The following ADD3 variants were observed in gnomAD, a reference collection of about 807,000 sequenced individuals.
ADD3 encodes the protein gamma-adducin.
In ADD3, 25 loss-of-function variants were observed where a neutral mutation model predicts 80.2. That is an observed-to-expected ratio of 0.31 (90% CI 0.23 to 0.44). The LOEUF is 0.44. Ranked by LOEUF, ADD3 falls within the 20% of genes least tolerant of loss-of-function variation. The probability of loss-of-function intolerance (pLI) is 1.00; values close to 1 mark genes in which losing one functional copy is unlikely to be tolerated. For missense variants in ADD3, 829 were observed against 847.5 expected, an observed-to-expected ratio of 0.98 and a Z score of 0.27; for synonymous variants, 284 against 289.6, an observed-to-expected ratio of 0.98 and a Z score of 0.20.
At chr10:110,065,557 T>TTTTTTTTTTTTTTTTTTTA (rs1843842023) in intron 1 of ADD3, among the ~76,000 whole-genome samples, 1 of 133,996 alleles carries the variant, frequency 7.5e-6, no homozygotes, top group East Asian at 2.2e-4. Flanking sequence ...TTTTTTTTTT[T>TTTTTTTTTTTTTTTTTTTA]GAGAAAGAAT....
chr10:110,006,045 T>C (rs565165944), upstream of ADD3: 94 of 227,624 alleles, frequency 4.1e-4, 1 homozygote, highest in African/African-American at 2.1e-3. Context: ...GGTCTGAGGC[T>C]GCAGTAGGTT....
intron 1 of ADD3, among the ~76,000 whole-genome samples, chr10:110,081,929 C>A (rs1345621587): frequency 6.6e-6 from 1 of 152,114 alleles, no homozygotes; most frequent in Non-Finnish European, 1.5e-5. Flanking sequence ...GGAAAACAGT[C>A]CTATGGTGGC....
chr10:110,080,110 C>G (rs10509909), intron 1 of ADD3, among the ~76,000 whole-genome samples: 18,914 of 152,050 alleles, frequency 0.12, 3,755 homozygotes, highest in African/African-American at 0.42. Flanking sequence ...GGCTCCAAAA[C>G]TAGGCCGCAC....
chr10:110,025,285 C>G (rs1288812913), intron 1 of ADD3, among the ~76,000 whole-genome samples: 1 of 151,892 alleles, frequency 6.6e-6, no homozygotes, highest in African/African-American at 2.4e-5. Flanking sequence ...AATAATCTTT[C>G]ACTCATACTA....
At chr10:110,060,341 T>G (rs1858729213) in intron 1 of ADD3, among the ~76,000 whole-genome samples, 1 of 152,196 alleles carries the variant, frequency 6.6e-6, no homozygotes, top group Admixed American at 6.5e-5. Flanking sequence ...AGTACTAGGT[T>G]GTAGGCAGAT....
chr10:110,045,853 A>T (rs1048805317), intron 1 of ADD3, among the ~76,000 whole-genome samples: 135 of 152,328 alleles, frequency 8.9e-4, no homozygotes, highest in African/African-American at 3.1e-3. Flanking sequence ...TCCTGTAATC[A>T]TGTAGCCACC....
At chr10:110,111,235 G>A (rs1326131105) in intron 2 of ADD3, among the ~76,000 whole-genome samples, 2 of 152,196 alleles carry the variant, frequency 1.3e-5, no homozygotes, top group Admixed American at 1.3e-4. Flanking sequence ...TGGGGGAAAT[G>A]GAGCTTAATT....
At chr10:110,048,837 G>T (rs1330910417) in intron 1 of ADD3, among the ~76,000 whole-genome samples, 1 of 152,228 alleles carries the variant, frequency 6.6e-6, no homozygotes, top group East Asian at 1.9e-4. Context: ...TTTTCTCCAG[G>T]AGAAATTCAA....
At chr10:110,064,297 C>A (rs1843636936) in intron 1 of ADD3, among the ~76,000 whole-genome samples, 1 of 152,126 alleles carries the variant, frequency 6.6e-6, no homozygotes, top group Non-Finnish European at 1.5e-5. Flanking sequence ...ATGTGTGTCT[C>A]CAACTTTTGC....
At position 110,132,333 on chromosome 10, in the gene ADD3, C is replaced by A; in HGVS notation, c.1761C>A (p.Asp587Glu). 6.2e-7 allele frequency: 1 copy of A among 1,613,486 alleles called. No homozygotes were observed. Among genetic ancestry groups the A allele is most frequent in the Non-Finnish European group, 8.5e-7 (1 of 1,179,550 alleles). Residue 587 changes from aspartate (D) to glutamate (E), a missense_variant, in exon 14 of 15, where the codon GAC becomes GAA. Physicochemically the swap from Asp to Glu is conservative, Grantham distance 45 (BLOSUM62 2). Coordinates refer to ENST00000356080, the MANE Select transcript of ADD3 (RefSeq NM_016824.5). ...EDAEQELLSD[D>E]ASSVSQIQSQ... is the part of the protein sequence containing the mutation. ...CTGAGCAGGAATTACTCTCAGATGACGCTTCATCTGTTTCACAAATTCAGT... is the reference window on the plus strand; with the variant it reads ...CTGAGCAGGAATTACTCTCAGATGAAGCTTCATCTGTTTCACAAATTCAGT...
chr10:110,032,161 G>T (rs1173393910), intron 1 of ADD3, among the ~76,000 whole-genome samples: 1 of 152,154 alleles, frequency 6.6e-6, no homozygotes, highest in Non-Finnish European at 1.5e-5. Context: ...GACAAAGAGG[G>T]TTGAAGTAAA....
rs1850725824 is a variant in ADD3 at position 110,116,340 on chromosome 10, G to A, written c.416G>A (p.Cys139Tyr). 6.2e-7 allele frequency: 1 copy of A among 1,613,996 alleles called. No homozygotes were observed. The highest frequency in any genetic ancestry group is 1.3e-5 in the African/African-American group (1 of 74,890). ...GTGAAGGGAGAAAAACTTACTCGCTGTAAACTTGCCAGCCTGTACAGACTT... is the reference window on the plus strand; with the variant it reads ...GTGAAGGGAGAAAAACTTACTCGCTATAAACTTGCCAGCCTGTACAGACTT... ...SYVKGEKLTR[C>Y]KLASLYRLVD... Residue 139 changes from cysteine to tyrosine, a missense_variant, in exon 4 of 15, where the codon TGT (cysteine) becomes TAT (tyrosine). Transcript: ENST00000356080.
rs1041863101 is a variant in ADD3 at position 110,135,206 on chromosome 10, T to C, written c.*1588T>C. The C allele has an allele frequency of 3.9e-5, 6 of 152,616 alleles. No individual in the cohort carries two copies. Among genetic ancestry groups the C allele is most frequent in the Admixed American group, 6.5e-5 (1 of 15,278 alleles). The allele number at this position is 152,616 out of a possible 1,614,324, so 9.5% of individuals were successfully genotyped here. On this transcript the variant is annotated 3_prime_UTR_variant, in exon 15 of 15. Transcript: ENST00000356080. ...ATCTCACTAACTACTGGAATCAGTG[T>C]TTTAATCTCTTGGTGGAAACTTTCA...
At chr10:110,087,645 T>A (rs1846961553) in intron 1 of ADD3, among the ~76,000 whole-genome samples, 2 of 152,344 alleles carry the variant, frequency 1.3e-5, no homozygotes, top group South Asian at 4.1e-4. Context: ...GTATATCAGA[T>A]GTCTTGTTCA....
chr10:110,090,030 C>T (rs1847277537), intron 1 of ADD3, among the ~76,000 whole-genome samples: 2 of 152,078 alleles, frequency 1.3e-5, no homozygotes, highest in Admixed American at 1.3e-4. Flanking sequence ...CAACCCCCAC[C>T]ATCACCTCAA....
At chr10:110,133,244 G>A in intron 14 of ADD3, 82 bp from the exon 15 acceptor site, 1 of 1,382,750 alleles carries the variant, frequency 7.2e-7, no homozygotes, top group East Asian at 2.3e-5. Flanking sequence ...TTATTACATT[G>A]CTAAAACATT....
In ADD3 at chr10:110,109,408, C is replaced by A. The variant is rs1203496968; in HGVS notation, c.196-3369C>A. On this transcript the variant is annotated intron_variant, in intron 2 of 14. Coordinates refer to ENST00000356080, the MANE Select transcript of ADD3 (RefSeq NM_016824.5). ...TGTCTACCTTCCTTATGCTTATTTT[C>A]TCTTCAGCTTTATTTTTCTTACCTA... Among the ~76,000 whole-genome samples, 3 of 152,100 alleles carry A rather than the reference C, an allele frequency of 2.0e-5. 1 individual carries two copies. In the East Asian group the frequency reaches 5.8e-4, roughly 29 times the overall value.
At chr10:110,003,256 G>C (rs1851521751), upstream of ADD3, among the ~76,000 whole-genome samples, 1 of 151,720 alleles carries the variant, frequency 6.6e-6, no homozygotes, top group South Asian at 2.1e-4. Flanking sequence ...CCCAACCCAA[G>C]GGAAAATCCT....
intron 1 of ADD3, among the ~76,000 whole-genome samples, chr10:110,052,695 T>A (rs895782988): frequency 6.6e-6 from 1 of 152,248 alleles, no homozygotes; most frequent in African/African-American, 2.4e-5. Flanking sequence ...GATACGTGGT[T>A]ACTTTGACAA....
Sources: gnomAD v4.1 joint callset for allele counts (sites outside exome capture counted in the v4.1 genomes callset) on GRCh38, gnomAD v4.1.1 for gene constraint, MANE v1.5 for transcripts, NCBI Gene and HGNC (gene_info 2026-07-23, HGNC 2026-07-21) for gene names.